The following WWOX variants were observed in gnomAD, a reference collection of about 807,000 sequenced individuals.
WWOX encodes WW domain containing oxidoreductase, also known as WW domain-containing oxidoreductase.
Under a neutral mutation model 46.2 loss-of-function variants are expected in WWOX, and 69 were observed. That is an observed-to-expected ratio of 1.49 (90% CI 1.23 to 1.82). The LOEUF is 1.82. Among genes scored for constraint, WWOX ranks in the 40% most tolerant of loss-of-function variants. WWOX has a pLI of 0.00. For missense variants in WWOX, 919 were observed against 542.6 expected (o/e 1.69, Z -6.89); for synonymous variants, 359 against 202.6 (o/e 1.77, Z -6.56).
At chr16:79,064,674 A>G (rs1055134322) in intron 8 of WWOX, among the ~76,000 whole-genome samples, 4 of 152,236 alleles carry the variant, frequency 2.6e-5, no homozygotes, top group African/African-American at 9.6e-5. Context: ...TGCAAGGATT[A>G]AATGAGAGAT....
chr16:78,753,036 T>G (rs1435922134), intron 8 of WWOX, among the ~76,000 whole-genome samples: 1 of 152,208 alleles, frequency 6.6e-6, no homozygotes, highest in Non-Finnish European at 1.5e-5. Flanking sequence ...AGCTCACGCC[T>G]ATAATCCCAG....
At chr16:78,943,877 G>T (rs961462864) in intron 8 of WWOX, among the ~76,000 whole-genome samples, 1 of 152,112 alleles carries the variant, frequency 6.6e-6, no homozygotes, top group Non-Finnish European at 1.5e-5. Flanking sequence ...GTGGTATGTG[G>T]TCCCTGAGAT....
chr16:79,041,583 G>C (rs1389520529), intron 8 of WWOX, among the ~76,000 whole-genome samples: 2 of 152,112 alleles, frequency 1.3e-5, no homozygotes, highest in African/African-American at 2.4e-5. Context: ...GAATAAGTCT[G>C]GTTGGCCTCT....
In WWOX at chr16:78,775,259, A is replaced by G. The variant is rs575754597; in HGVS notation, c.1056+342507A>G. 7.4e-4 allele frequency among the ~76,000 whole-genome samples: 112 copies of G among 152,276 alleles called. 1 individual carries two copies. The highest frequency in any genetic ancestry group is 2.6e-3 in the African/African-American group (109 of 41,556). Reference sequence around the variant, plus strand: ...GCCCGGCCAATAATATCACAAAACAAAAATATCTTGTGGGTTTGAAATTTA... The same window carrying G: ...GCCCGGCCAATAATATCACAAAACAGAAATATCTTGTGGGTTTGAAATTTA... On this transcript the variant is annotated intron_variant, in intron 8 of 8. Coordinates refer to ENST00000566780, the MANE Select transcript of WWOX (RefSeq NM_016373.4).
chr16:78,268,537 T>C (rs1487254406), intron 5 of WWOX, among the ~76,000 whole-genome samples: 3 of 152,202 alleles, frequency 2.0e-5, no homozygotes, highest in Non-Finnish European at 4.4e-5. Flanking sequence ...CAAAGCTGCA[T>C]AGGTTGCAAG....
At chr16:78,163,091 A>G (rs760922046) in intron 4 of WWOX, among the ~76,000 whole-genome samples, 5 of 151,904 alleles carry the variant, frequency 3.3e-5, no homozygotes, top group Non-Finnish European at 5.9e-5. Context: ...ATTTATTTCC[A>G]TTTGTTCCCC....
At chr16:78,676,780 G>A (rs1388853925) in intron 8 of WWOX, among the ~76,000 whole-genome samples, 1 of 152,130 alleles carries the variant, frequency 6.6e-6, no homozygotes, top group African/African-American at 2.4e-5. Context: ...TTGTTGAAGT[G>A]CTTTGCTCAT....
intron 8 of WWOX, among the ~76,000 whole-genome samples, chr16:78,534,780 G>C (rs1425519416): frequency 1.3e-5 from 2 of 151,942 alleles, no homozygotes; most frequent in African/African-American, 2.4e-5. Flanking sequence ...CACAATCTCA[G>C]CTCACTGCAA....
At chr16:79,170,352 A>C (rs1193825413) in intron 8 of WWOX, among the ~76,000 whole-genome samples, 3 of 152,228 alleles carry the variant, frequency 2.0e-5, no homozygotes, top group South Asian at 2.1e-4. Context: ...GGAAGTAGCA[A>C]AGATGGAATT....
At chr16:78,357,022 G>C (rs1182828029) in intron 5 of WWOX, among the ~76,000 whole-genome samples, 2 of 152,144 alleles carry the variant, frequency 1.3e-5, no homozygotes, top group Non-Finnish European at 2.9e-5. Flanking sequence ...ACTGGCATTT[G>C]CTGACATCCA....
At chr16:78,544,872 CAAAA>C (rs201713047) in intron 8 of WWOX, among the ~76,000 whole-genome samples, 2,195 of 151,814 alleles carry the variant, frequency 0.014, 37 homozygotes, top group South Asian at 0.025. Flanking sequence ...GAGACTATCT[CAAAA>C]AAGAAAAAAT....
chr16:79,002,024 A>T (rs1331945756), intron 8 of WWOX, among the ~76,000 whole-genome samples: 2 of 152,074 alleles, frequency 1.3e-5, no homozygotes, highest in Non-Finnish European at 2.9e-5. Context: ...GGTAACCACA[A>T]ATCTGGGCAA....
At chr16:78,767,827 T>C (rs773129074) in intron 8 of WWOX, among the ~76,000 whole-genome samples, 1 of 152,186 alleles carries the variant, frequency 6.6e-6, no homozygotes, top group Admixed American at 6.5e-5. Flanking sequence ...TACTTTCACG[T>C]GCCTACTGGC....
intron 8 of WWOX, among the ~76,000 whole-genome samples, chr16:78,479,647 G>C (rs573416195): frequency 6.6e-6 from 1 of 152,176 alleles, no homozygotes; most frequent in South Asian, 2.1e-4. Context: ...ACTGTTATAG[G>C]AATGATTGAC....
At chr16:78,610,243 T>C (rs889096404) in intron 8 of WWOX, among the ~76,000 whole-genome samples, 2 of 152,186 alleles carry the variant, frequency 1.3e-5, no homozygotes, top group African/African-American at 4.8e-5. Flanking sequence ...ACCCTCCTTT[T>C]CATAATTCTT....
intron 8 of WWOX, among the ~76,000 whole-genome samples, chr16:78,461,499 T>A (rs1024043417): frequency 6.6e-6 from 1 of 152,202 alleles, no homozygotes; most frequent in East Asian, 1.9e-4. Context: ...TGATCTTGTT[T>A]TATGAAAGAA....
At chr16:78,217,803 G>T (rs571934185) in intron 5 of WWOX, among the ~76,000 whole-genome samples, 2 of 152,164 alleles carry the variant, frequency 1.3e-5, no homozygotes, top group African/African-American at 4.8e-5. Context: ...TGTGCAGGCC[G>T]TGGAGACTCA....
chr16:78,939,976 T>G (rs2045819527), intron 8 of WWOX, among the ~76,000 whole-genome samples: 1 of 152,222 alleles, frequency 6.6e-6, no homozygotes, highest in African/African-American at 2.4e-5. Flanking sequence ...GACCATAAAC[T>G]ACATAACTGG....
At chr16:78,616,668 G>T (rs528627062) in intron 8 of WWOX, among the ~76,000 whole-genome samples, 27 of 152,160 alleles carry the variant, frequency 1.8e-4, no homozygotes, top group South Asian at 6.2e-4. Flanking sequence ...ACTTGGAAGG[G>T]TGAGGCAGAA....
Sources: allele counts gnomAD v4.1 joint callset (sites outside exome capture counted in the v4.1 genomes callset), GRCh38; gene constraint gnomAD v4.1.1; transcripts MANE v1.5; gene names NCBI Gene and HGNC (gene_info 2026-07-23, HGNC 2026-07-21).